The following DUSP8 variants were observed in gnomAD, a reference collection of about 807,000 sequenced individuals.
The protein encoded by DUSP8 is dual specificity phosphatase 8, also known as dual specificity protein phosphatase 8.
DUSP8 carries 15 observed loss-of-function variants against 38.7 expected under a neutral mutation model. The observed-to-expected ratio is 0.39, with a 90% CI of 0.26 to 0.60. DUSP8 has a LOEUF of 0.60. Ranked by LOEUF, DUSP8 falls within the 20% of genes least tolerant of loss-of-function variation. The pLI is 0.56. For missense variants in DUSP8, 768 were observed against 915.0 expected (o/e 0.84, Z 2.07); for synonymous variants, 458 against 433.9 (o/e 1.06, Z -0.69).
At position 1,557,003 on chromosome 11, in the gene DUSP8, CG is replaced by C; in HGVS notation, c.1392del (p.Ala465ArgfsTer10). Reference sequence around the variant, plus strand: ...CCGAGGCTGTGCGCGGGGGAGCGCGCGGGGGAGCCGGCGGGGGGCCGGGGCC... The same window carrying C: ...CCGAGGCTGTGCGCGGGGGAGCGCGCGGGGAGCCGGCGGGGGGCCGGGGCC... ...RRRPRPPAGSPARSPAHSLGL... is the reference protein window; with the variant it reads ...RRRPRPPAGSXARSPAHSLGL... On this transcript the variant is annotated frameshift_variant, in exon 7 of 7. Transcript: ENST00000397374. LOFTEE classifies it high-confidence loss of function. The surrounding 1 kb of genome is among the most constrained non-coding windows in gnomAD (Gnocchi z 9.9). 1 of 1,019,358 alleles carries C rather than the reference CG, an allele frequency of 9.8e-7. No homozygotes were observed. Among genetic ancestry groups the C allele is most frequent in the Non-Finnish European group, 1.2e-6 (1 of 854,794 alleles). The allele number at this position is 1,019,358 out of a possible 1,614,324, so 63.1% of individuals were successfully genotyped here. A position where few individuals can be genotyped will look rare whatever the true frequency, so the allele number is the denominator to read the frequency against.
intron 3 of DUSP8, among the ~76,000 whole-genome samples, chr11:1,562,004 A>T (rs989247617): frequency 2.0e-5 from 3 of 152,192 alleles, no homozygotes; most frequent in Admixed American, 2.0e-4. Flanking sequence ...AGAAAAGGGG[A>T]CACAGCCTCA....
In DUSP8 at chr11:1,557,211, G is replaced by A; in HGVS notation, c.1185C>T (p.Ser395=). The A allele has an allele frequency of 6.7e-7, 1 of 1,495,600 alleles. No individual in the cohort carries two copies. The highest frequency in any genetic ancestry group is 1.5e-5 in the African/African-American group (1 of 68,146). 92.6% of individuals were successfully genotyped at this position (1,495,600 alleles called of 1,614,324 possible). Residue 395 remains serine, a synonymous_variant, in exon 7 of 7, where the codon TCC becomes TCT. Transcript: ENST00000397374. This position sits in a 1 kb window ranked among gnomAD's most constrained non-coding sequence, Gnocchi z 9.9. ...QDTNRLKRSF[S]LDIKSAYAPS... Reference sequence around the variant, plus strand: ...GGGCGTAGGCAGACTTGATGTCCAGGGAGAAGGAGCGCTTGAGGCGGTTAG... The same window carrying A: ...GGGCGTAGGCAGACTTGATGTCCAGAGAGAAGGAGCGCTTGAGGCGGTTAG...
At position 1,559,042 on chromosome 11, in the gene DUSP8, G is replaced by A. The variant is rs1290561268; in HGVS notation, c.384C>T (p.Thr128=). The A allele has an allele frequency of 1.9e-6, 3 of 1,610,052 alleles. No individual in the cohort carries two copies. The highest frequency in any genetic ancestry group is 2.5e-6 in the Non-Finnish European group (3 of 1,179,474). Residue 128 remains threonine (T), a synonymous_variant, in exon 4 of 7, where the codon ACC becomes ACT. Coordinates refer to ENST00000397374, the MANE Select transcript of DUSP8 (RefSeq NM_004420.3). ...AGAGGCCGGGGAAGCAGGAGGAGAA[G>A]GTGGCGAAGCCCCCTGTAGGAGGAG... ...SVAILTGGFA[T]FSSCFPGLCE... is the part of the protein sequence containing the mutation.
Position 1,557,808 on chromosome 11 carries a change from G to A in DUSP8, c.807C>T (p.Ser269=), listed in dbSNP as rs781269302. 20 of 1,613,174 alleles carry A rather than the reference G, an allele frequency of 1.2e-5. 1 individual carries two copies. Among genetic ancestry groups the A allele is most frequent in the African/African-American group, 8.0e-5 (6 of 74,920 alleles). Residue 269 remains serine, a synonymous_variant, in exon 6 of 7, where the codon TCC becomes TCT. Coordinates refer to ENST00000397374, the MANE Select transcript of DUSP8 (RefSeq NM_004420.3). The surrounding 1 kb of genome is among the most constrained non-coding windows in gnomAD (Gnocchi z 9.9). ...GAAGGTGGTACCTGTAGGCGTCGTCGGAGGACATGCCCATGGTCTTCATGA... is the reference window on the plus strand; with the variant it reads ...GAAGGTGGTACCTGTAGGCGTCGTCAGAGGACATGCCCATGGTCTTCATGA... ...AYIMKTMGMS[S]DDAYRFVKDR...
rs1315633543 is a variant in DUSP8 at position 1,557,850 on chromosome 11, G to A, written c.765C>T (p.Thr255=). The A allele has an allele frequency of 6.2e-7, 1 of 1,613,966 alleles. No homozygotes were observed. ...TCTTCATGATGTAGGCGATGGCGATGGTGGCAGAGCGGGAGATGCCAGCCA... is the reference window on the plus strand; with the variant it reads ...TCTTCATGATGTAGGCGATGGCGATAGTGGCAGAGCGGGAGATGCCAGCCA... ...HCLAGISRSA[T]IAIAYIMKTM... Residue 255 remains threonine, a synonymous_variant, in exon 6 of 7, where the codon ACC becomes ACT. Transcript: ENST00000397374. This position sits in a 1 kb window ranked among gnomAD's most constrained non-coding sequence, Gnocchi z 9.9.
rs1204915123 is a variant in DUSP8, at chr11:1,557,749, A to G, written c.821+45T>C. 2.5e-6 allele frequency: 4 copies of G among 1,610,234 alleles called. No homozygotes were observed. In the South Asian group the frequency reaches 4.4e-5, roughly 18 times the overall value. On this transcript the variant is annotated intron_variant, in intron 6 of 6. Transcript: ENST00000397374. This position sits in a 1 kb window ranked among gnomAD's most constrained non-coding sequence, Gnocchi z 9.9. ...TGCAAGTGGGCAGCCGGGGGAAGGG[A>G]AGCGACGCTGTGAGCCACAAGTGCG... is the stretch of plus-strand genomic sequence containing the variant.
In DUSP8 at chr11:1,557,341, A is replaced by C; in HGVS notation, c.1055T>G (p.Leu352Arg). The stretch of plus-strand genomic sequence containing the variant: ...CGCGGGGGGCTCCCCGCCCGCGCTC[A>C]GGCCGCCCTCCCTGGCAGCCGCATT... ...TGNAAAREGG[L>R]SAGGEPPAPP... Residue 352 changes from leucine (L) to arginine (R), a missense_variant, in exon 7 of 7, where the codon CTG (leucine) becomes CGG (arginine). By Grantham distance (102) the Leu-to-Arg change is moderately radical (BLOSUM62 -2). Coordinates refer to ENST00000397374, the MANE Select transcript of DUSP8 (RefSeq NM_004420.3). This position sits in a 1 kb window ranked among gnomAD's most constrained non-coding sequence, Gnocchi z 9.9. 1 of 1,537,656 alleles carries C rather than the reference A, an allele frequency of 6.5e-7. No individual in the cohort carries two copies.
At chr11:1,571,182 C>T (rs2133453702) in intron 1 of DUSP8, among the ~76,000 whole-genome samples, 1 of 152,308 alleles carries the variant, frequency 6.6e-6, no homozygotes, top group African/African-American at 2.4e-5. Flanking sequence ...TTAGGTATCC[C>T]CACCTGGTCT....
chr11:1,572,269 A>G lies in DUSP8; in HGVS notation c.-477T>C, dbSNP rs1443298700. Among the ~76,000 whole-genome samples, 6 of 145,838 alleles carry G rather than the reference A, an allele frequency of 4.1e-5. No individual in the cohort carries two copies. Among genetic ancestry groups the G allele is most frequent in the Non-Finnish European group, 9.1e-5 (6 of 66,078 alleles). ...GGCTCGGCCGCCGCGCTCGGCCGCG[A>G]GTGACAGGCCCGGGGCGGAGGGCGG... On this transcript the variant is annotated 5_prime_UTR_variant, in exon 1 of 7. Transcript: ENST00000397374. The surrounding 1 kb of genome is among the most constrained non-coding windows in gnomAD (Gnocchi z 4.7).
intron 1 of DUSP8, chr11:1,571,612 C>G (rs995532812): frequency 2.6e-5 from 4 of 152,230 alleles, no homozygotes; most frequent in Admixed American, 1.3e-4. Flanking sequence ...TTGTCCCCCC[C>G]CCATTCCACA....
chr11:1,560,271 A>T (rs1848696904), intron 3 of DUSP8, among the ~76,000 whole-genome samples: 1 of 152,084 alleles, frequency 6.6e-6, no homozygotes, highest in Non-Finnish European at 1.5e-5. Flanking sequence ...TGGGAACCCC[A>T]GGGCTCTTTT....
Position 1,565,772 on chromosome 11 carries a change from G to A in DUSP8, c.55C>T (p.Leu19=). The change falls in exon 2 of 7, where the codon CTG becomes TTG. Residue 19 remains leucine, a synonymous_variant. Coordinates refer to ENST00000397374, the MANE Select transcript of DUSP8 (RefSeq NM_004420.3). ...KVMDAKKLAS[L]LRGGPGGPLV... Reference sequence around the variant, plus strand: ...GGCCCCCCAGGCCCGCCCCGCAGCAGGCTGGCCAGCTTCTTGGCATCCATC... The same window carrying A: ...GGCCCCCCAGGCCCGCCCCGCAGCAAGCTGGCCAGCTTCTTGGCATCCATC... The A allele has an allele frequency of 6.2e-7, 1 of 1,611,144 alleles. No homozygotes were observed. The highest frequency in any genetic ancestry group is 8.5e-7 in the Non-Finnish European group (1 of 1,179,276).
intron 3 of DUSP8, among the ~76,000 whole-genome samples, chr11:1,561,941 T>A (rs1848723408): frequency 6.6e-6 from 1 of 152,204 alleles, no homozygotes. Flanking sequence ...GGTGTCGCCA[T>A]GAGCCCACTG....
intron 1 of DUSP8, among the ~76,000 whole-genome samples, chr11:1,570,379 C>A (rs1848868776): frequency 6.6e-6 from 1 of 152,182 alleles, no homozygotes; most frequent in African/African-American, 2.4e-5. Flanking sequence ...CTCTCTCTCA[C>A]TGTGGGTCTG....
intron 3 of DUSP8, among the ~76,000 whole-genome samples, chr11:1,563,231 C>T (rs542985689): frequency 4.6e-5 from 7 of 152,152 alleles, no homozygotes; most frequent in South Asian, 2.1e-4. Context: ...GGACCTGGGC[C>T]GACCCCAGGA....
At position 1,556,332 on chromosome 11, in the gene DUSP8, GCTC is replaced by G. The variant is rs1215866661; in HGVS notation, c.*183_*185del. ...TTAAATACCAGACAGTAAAAATAGAGCTCGAGGACCACCCGCACTGTTGCCAAA... is the reference window on the plus strand; with the variant it reads ...TTAAATACCAGACAGTAAAAATAGAGGAGGACCACCCGCACTGTTGCCAAA... On this transcript the variant is annotated 3_prime_UTR_variant, in exon 7 of 7. Coordinates refer to ENST00000397374, the MANE Select transcript of DUSP8 (RefSeq NM_004420.3). This position sits in a 1 kb window ranked among gnomAD's most constrained non-coding sequence, Gnocchi z 5.2. The G allele has an allele frequency of 2.2e-5, 16 of 729,626 alleles. No individual in the cohort carries two copies. The highest frequency in any genetic ancestry group is 4.5e-4 in the Middle Eastern group (1 of 2,202). 45.2% of individuals were successfully genotyped at this position (729,626 alleles called of 1,614,324 possible). A position where few individuals can be genotyped will look rare whatever the true frequency, so the allele number is the denominator to read the frequency against.
intron 3 of DUSP8, chr11:1,559,567 G>A (rs1430871701): frequency 6.5e-6 from 1 of 152,966 alleles, no homozygotes; most frequent in African/African-American, 2.4e-5. Context: ...GGGAGCCCCA[G>A]GCCTGGGCTT....
At chr11:1,562,989 G>A (rs899329538) in intron 3 of DUSP8, among the ~76,000 whole-genome samples, 3 of 152,256 alleles carry the variant, frequency 2.0e-5, no homozygotes, top group Middle Eastern at 3.4e-3. Flanking sequence ...CCCCACAGTC[G>A]CCCTCAGGCT....
At chr11:1,567,808 C>G (rs373260663) in intron 1 of DUSP8, among the ~76,000 whole-genome samples, 1 of 152,334 alleles carries the variant, frequency 6.6e-6, no homozygotes, top group South Asian at 2.1e-4. Flanking sequence ...GCCTGGGAGT[C>G]CTCTCCAGGG....
Sources: gnomAD v4.1 joint callset for allele counts (sites outside exome capture counted in the v4.1 genomes callset) on GRCh38, gnomAD v4.1.1 for gene constraint, Gnocchi (gnomAD v3.1) non-coding constraint, MANE v1.5 for transcripts, NCBI Gene and HGNC (gene_info 2026-07-23, HGNC 2026-07-21) for gene names.